Variants in RHOBTB3 observed in about 807,000 individuals in gnomAD.
RHOBTB3 encodes the protein rho-related BTB domain-containing protein 3.
A neutral mutation model predicts 67.2 loss-of-function variants in RHOBTB3; 47 were observed. The ratio of observed to expected loss-of-function variants is 0.70; its 90% CI spans 0.55 to 0.89. The LOEUF (loss-of-function observed/expected upper bound fraction) is 0.89, where lower values mean the gene tolerates loss of function less well. RHOBTB3 is among the 40% of genes least tolerant of loss of function. The pLI, the probability that RHOBTB3 is intolerant of heterozygous loss-of-function variation, is 0.00. For missense variants in RHOBTB3, 631 were observed against 750.0 expected (o/e 0.84, Z 1.85); for synonymous variants, 273 against 274.2 (o/e 1.00, Z 0.04).
intron 8 of RHOBTB3, among the ~76,000 whole-genome samples, chr5:95,778,904 A>G (rs1745969927): frequency 6.6e-6 from 1 of 152,184 alleles, no homozygotes; most frequent in African/African-American, 2.4e-5. Context: ...AGGGCTTCCC[A>G]AGTTACTTCC....
chr5:95,793,319 G>T lies in RHOBTB3; in HGVS notation c.*145G>T, dbSNP rs1746476254. On this transcript the variant is annotated 3_prime_UTR_variant, in exon 12 of 12. Transcript: ENST00000379982. Reference sequence around the variant, plus strand: ...CTTAATATGTTTATTAGTTCTCTTTGGAAAAAAACTACCACTGTGGTCTTA... The same window carrying T: ...CTTAATATGTTTATTAGTTCTCTTTTGAAAAAAACTACCACTGTGGTCTTA... The T allele has an allele frequency of 1.9e-6, 1 of 517,874 alleles. No individual in the cohort carries two copies. The highest frequency in any genetic ancestry group is 2.0e-5 in the African/African-American group (1 of 50,614). 32.1% of individuals were successfully genotyped at this position (517,874 alleles called of 1,614,324 possible).
At chr5:95,756,382 CA>C (rs777266948) in intron 6 of RHOBTB3, among the ~76,000 whole-genome samples, 2 of 152,100 alleles carry the variant, frequency 1.3e-5, no homozygotes, top group Non-Finnish European at 2.9e-5. Flanking sequence ...ACATATAGAC[CA>C]CATTTTGTTT....
chr5:95,754,160 A>G (rs1745175947), intron 5 of RHOBTB3, among the ~76,000 whole-genome samples: 2 of 152,202 alleles, frequency 1.3e-5, no homozygotes, highest in Non-Finnish European at 2.9e-5. Flanking sequence ...ACTAAGTGAT[A>G]TAGTGGACAG....
chr5:95,735,407 AC>A (rs1199481328), intron 2 of RHOBTB3, among the ~76,000 whole-genome samples: 4 of 152,060 alleles, frequency 2.6e-5, no homozygotes, highest in African/African-American at 9.7e-5. Context: ...GGTATGGGGA[AC>A]TGGGGGAGGC....
At chr5:95,738,158 G>A (rs1475851896) in intron 3 of RHOBTB3, among the ~76,000 whole-genome samples, 5 of 152,218 alleles carry the variant, frequency 3.3e-5, no homozygotes, top group South Asian at 2.1e-4. Flanking sequence ...CCAGGAGCGG[G>A]ATTGTTGGGT....
chr5:95,741,259 C>T (rs977905171), intron 3 of RHOBTB3, among the ~76,000 whole-genome samples: 2 of 148,052 alleles, frequency 1.4e-5, no homozygotes, highest in East Asian at 2.0e-4. Flanking sequence ...ACCCAGGAGG[C>T]GGAGGTTACA....
At chr5:95,789,047 C>A in intron 11 of RHOBTB3, 189 bp downstream of exon 11, 1 of 479,262 alleles carries the variant, frequency 2.1e-6, no homozygotes, top group Non-Finnish European at 3.6e-6. Context: ...GTGCCTTAAC[C>A]TGTGTTACAC....
chr5:95,719,618 T>A (rs1754803818), intron 1 of RHOBTB3: 1 of 152,204 alleles, frequency 6.6e-6, no homozygotes, highest in Non-Finnish European at 1.5e-5. Flanking sequence ...AAAACATATA[T>A]ACATTACATG....
intron 7 of RHOBTB3, among the ~76,000 whole-genome samples, chr5:95,767,594 A>C (rs905368967): frequency 6.6e-6 from 1 of 152,208 alleles, no homozygotes. Flanking sequence ...TGGCCTCCAA[A>C]GTGCGGGATT....
chr5:95,732,076 C>A lies in RHOBTB3; in HGVS notation c.220C>A (p.Pro74Thr). Residue 74 changes from proline to threonine, a missense_variant, in exon 2 of 12, where the codon CCC becomes ACC. By Grantham distance (38) the Pro-to-Thr change is conservative. Coordinates refer to ENST00000379982, the MANE Select transcript of RHOBTB3 (RefSeq NM_014899.4). ...TGTCAAGCTGGTGGTCCACGACTGTCCCGTCTGGGTAAGGAAGAGCAGCTG... is the reference window on the plus strand; with the variant it reads ...TGTCAAGCTGGTGGTCCACGACTGTACCGTCTGGGTAAGGAAGAGCAGCTG... ...GNVKLVVHDC[P>T]VWDIFDSDWY... 6.2e-7 allele frequency: 1 copy of A among 1,614,044 alleles called. No homozygotes were observed. Among genetic ancestry groups the A allele is most frequent in the Non-Finnish European group, 8.5e-7 (1 of 1,179,876 alleles).
chr5:95,763,385 A>G (rs1455714897), intron 6 of RHOBTB3, 123 bp from the exon 7 acceptor site: 1 of 632,854 alleles, frequency 1.6e-6, no homozygotes, highest in African/African-American at 1.8e-5. Flanking sequence ...AGTTATAAGG[A>G]TGTATATCTG....
intron 8 of RHOBTB3, chr5:95,770,203 G>T: frequency 3.5e-6 from 1 of 282,186 alleles, no homozygotes. Context: ...ACTTTAAAAT[G>T]GAGTAGCTGT....
At position 95,755,766 on chromosome 5, in the gene RHOBTB3, C is replaced by A; in HGVS notation, c.1048+5C>A. On this transcript the variant is annotated splice_donor_5th_base_variant and intron_variant, in intron 6 of 11. Transcript: ENST00000379982. ...TCCTTCGCTTCATTTATTCAGGTAT[C>A]TTGTCAAGTGGTTCTGGTTACTTAC... is the stretch of plus-strand genomic sequence containing the variant. The A allele has an allele frequency of 1.2e-6, 2 of 1,612,636 alleles. No individual in the cohort carries two copies. Among genetic ancestry groups the A allele is most frequent in the African/African-American group, 2.7e-5 (2 of 75,016 alleles).
chr5:95,764,948 C>T (rs1037834322), intron 7 of RHOBTB3, among the ~76,000 whole-genome samples: 1 of 151,882 alleles, frequency 6.6e-6, no homozygotes, highest in Admixed American at 6.6e-5. Flanking sequence ...AGGATGGTAG[C>T]TCTTGCAGTC....
intron 11 of RHOBTB3, 21 bp downstream of exon 11, chr5:95,788,879 T>C: frequency 7.1e-7 from 1 of 1,399,848 alleles, no homozygotes; most frequent in Non-Finnish European, 9.7e-7. Flanking sequence ...AATTTCTGTT[T>C]TGAAAAGAAA....
chr5:95,786,510 C>T (rs1191262323), intron 10 of RHOBTB3, among the ~76,000 whole-genome samples: 1 of 152,216 alleles, frequency 6.6e-6, no homozygotes, highest in Non-Finnish European at 1.5e-5. Flanking sequence ...TCTTAAAATA[C>T]AAGAGTTGAG....
At chr5:95,728,987 A>G (rs1436000018), upstream of RHOBTB3, among the ~76,000 whole-genome samples, 1 of 152,212 alleles carries the variant, frequency 6.6e-6, no homozygotes, top group Non-Finnish European at 1.5e-5. Context: ...CAATGTCAGG[A>G]AGTTACCCTA....
At chr5:95,758,567 T>C (rs1427442128) in intron 6 of RHOBTB3, among the ~76,000 whole-genome samples, 1 of 152,186 alleles carries the variant, frequency 6.6e-6, no homozygotes, top group Non-Finnish European at 1.5e-5. Flanking sequence ...AGCTCATCTC[T>C]GGTTGTGGTT....
In RHOBTB3 at chr5:95,793,328, C is replaced by A; in HGVS notation, c.*154C>A. 1.9e-6 allele frequency: 1 copy of A among 519,986 alleles called. No individual in the cohort carries two copies. The highest frequency in any genetic ancestry group is 3.4e-6 in the Non-Finnish European group (1 of 295,494). 32.2% of individuals were successfully genotyped at this position (519,986 alleles called of 1,614,324 possible). ...TTTATTAGTTCTCTTTGGAAAAAAA[C>A]TACCACTGTGGTCTTAAAAGGGAAC... On this transcript the variant is annotated 3_prime_UTR_variant, in exon 12 of 12. Coordinates refer to ENST00000379982, the MANE Select transcript of RHOBTB3 (RefSeq NM_014899.4).
Sources: allele counts gnomAD v4.1 joint callset (sites outside exome capture counted in the v4.1 genomes callset), GRCh38; gene constraint gnomAD v4.1.1; transcripts MANE v1.5; gene names NCBI Gene and HGNC (gene_info 2026-07-23, HGNC 2026-07-21).